The following ATP8A2 variants were observed in gnomAD, a reference collection of about 807,000 sequenced individuals.
ATP8A2 encodes ATPase phospholipid transporting 8A2.
In ATP8A2, 100 loss-of-function variants were observed where a neutral mutation model predicts 165.6. The ratio of observed to expected loss-of-function variants is 0.60; its 90% confidence interval spans 0.51 to 0.71. The LOEUF (loss-of-function observed/expected upper bound fraction) is 0.71. ATP8A2 is among the 30% of genes least tolerant of loss of function. ATP8A2 has a pLI of 0.00. For synonymous variants in ATP8A2, 543 were observed against 548.8 expected, an observed-to-expected ratio of 0.99 and a Z score of 0.15; for missense variants, 1,227 against 1,479.5, an observed-to-expected ratio of 0.83 and a Z score of 2.80.
intron 1 of ATP8A2, among the ~76,000 whole-genome samples, chr13:25,423,199 A>C (rs568057346): frequency 2.0e-5 from 3 of 152,168 alleles, no homozygotes; most frequent in Non-Finnish European, 4.4e-5. Context: ...TTTTACCCAC[A>C]CGTAGCCTTC....
chr13:25,425,668 G>A (rs1433208693), intron 1 of ATP8A2, among the ~76,000 whole-genome samples: 1 of 151,746 alleles, frequency 6.6e-6, no homozygotes, highest in Non-Finnish European at 1.5e-5. Context: ...TCTGCCTCCT[G>A]GGTTCACACC....
At chr13:25,715,764 T>C (rs1286550938) in intron 25 of ATP8A2, among the ~76,000 whole-genome samples, 1 of 152,256 alleles carries the variant, frequency 6.6e-6, no homozygotes, top group African/African-American at 2.4e-5. Context: ...CTATAAACAT[T>C]CATCTACAAA....
intron 33 of ATP8A2, among the ~76,000 whole-genome samples, chr13:25,877,295 G>C (rs553719618): frequency 6.6e-6 from 1 of 152,162 alleles, no homozygotes; most frequent in East Asian, 1.9e-4. Flanking sequence ...CTAGAGTTAG[G>C]AGTTGTCCAG....
At chr13:25,543,474 A>AACATCT in intron 10 of ATP8A2, 72 bp downstream of exon 10, 1 of 1,019,478 alleles carries the variant, frequency 9.8e-7, no homozygotes, top group Non-Finnish European at 1.5e-6. Context: ...TGGAAAATGC[A>AACATCT]GATGTTGCAT....
intron 33 of ATP8A2, among the ~76,000 whole-genome samples, chr13:25,936,278 C>T (rs2139087951): frequency 6.6e-6 from 1 of 152,326 alleles, no homozygotes; most frequent in African/African-American, 2.4e-5. Context: ...GACGGCCAGT[C>T]CTTGCTGATT....
chr13:25,379,181 T>C (rs180794800), intron 1 of ATP8A2, among the ~76,000 whole-genome samples: 311 of 152,342 alleles, frequency 2.0e-3, no homozygotes, highest in Non-Finnish European at 3.6e-3. Flanking sequence ...GCAATGTACA[T>C]TTCACACATT....
At chr13:25,811,407 A>G (rs568150887) in intron 27 of ATP8A2, among the ~76,000 whole-genome samples, 7 of 152,348 alleles carry the variant, frequency 4.6e-5, no homozygotes, top group Admixed American at 1.3e-4. Context: ...ACTTTATTTA[A>G]AAGTTATAGA....
intron 24 of ATP8A2, among the ~76,000 whole-genome samples, chr13:25,695,879 C>T (rs2042824392): frequency 6.6e-6 from 1 of 152,188 alleles, no homozygotes. Context: ...TTGACCTCCT[C>T]CCATGAATCA....
chr13:26,017,397 T>TC (rs1413164097), intron 36 of ATP8A2, among the ~76,000 whole-genome samples: 1 of 152,222 alleles, frequency 6.6e-6, no homozygotes, highest in Admixed American at 6.5e-5. Flanking sequence ...GAAGCAGTGT[T>TC]ATTTGCTAGA....
rs2042550551 is a variant in ATP8A2 at position 25,684,087 on chromosome 13, A to G, written c.2212-15086A>G. Among the ~76,000 whole-genome samples the G allele has an allele frequency of 5.3e-5, 8 of 152,244 alleles. No homozygotes were observed. The South Asian group carries it at 1.4e-3, about 28-fold the overall frequency. ...TGAGAGGAAACAAAATTTCTAACGA[A>G]TAAGATATAATAAAAAGGCTTCCGC... On this transcript the variant is annotated intron_variant, in intron 24 of 36. Coordinates refer to ENST00000381655, the MANE Select transcript of ATP8A2 (RefSeq NM_016529.6).
At chr13:25,647,118 T>C (rs2041694400) in intron 24 of ATP8A2, among the ~76,000 whole-genome samples, 2 of 152,378 alleles carry the variant, frequency 1.3e-5, no homozygotes, top group African/African-American at 2.4e-5. Context: ...TTTTGTCTTT[T>C]AACCCTTGTA....
intron 2 of ATP8A2, among the ~76,000 whole-genome samples, chr13:25,514,648 G>T (rs61948594): frequency 2.0e-5 from 3 of 152,122 alleles, no homozygotes; most frequent in Non-Finnish European, 4.4e-5. Flanking sequence ...CTTTTGCTTC[G>T]AACTCTTTAT....
At chr13:25,531,000 C>T (rs1045117377) in intron 4 of ATP8A2, among the ~76,000 whole-genome samples, 1 of 151,894 alleles carries the variant, frequency 6.6e-6, no homozygotes, top group Admixed American at 6.6e-5. Flanking sequence ...TTGTCTCGCT[C>T]TGCCTGAGGC....
intron 25 of ATP8A2, among the ~76,000 whole-genome samples, chr13:25,717,067 C>T (rs926644959): frequency 6.6e-6 from 1 of 152,160 alleles, no homozygotes; most frequent in Non-Finnish European, 1.5e-5. Flanking sequence ...CTATACATGC[C>T]ACTATCACCA....
chr13:25,555,181 T>C, intron 13 of ATP8A2, 113 bp downstream of exon 13: 1 of 729,420 alleles, frequency 1.4e-6, no homozygotes, highest in African/African-American at 1.7e-5. Context: ...TGAACATGGC[T>C]AGAACATCTG....
intron 2 of ATP8A2, among the ~76,000 whole-genome samples, chr13:25,519,859 G>A (rs955906119): frequency 2.0e-5 from 3 of 152,140 alleles, no homozygotes; most frequent in African/African-American, 4.8e-5. Context: ...CCCTGGAGAT[G>A]TTTTTCCCCT....
intron 24 of ATP8A2, among the ~76,000 whole-genome samples, chr13:25,647,187 C>A (rs78527618): frequency 6.6e-6 from 1 of 152,180 alleles, no homozygotes; most frequent in Non-Finnish European, 1.5e-5. Context: ...CTGAATATAG[C>A]TCTGTATTAC....
At chr13:25,828,470 T>C (rs1951375438) in intron 28 of ATP8A2, among the ~76,000 whole-genome samples, 1 of 152,240 alleles carries the variant, frequency 6.6e-6, no homozygotes, top group East Asian at 1.9e-4. Context: ...CCTTACTACA[T>C]GCCTGTGCAA....
At chr13:25,612,573 A>G (rs113123818) in intron 24 of ATP8A2, among the ~76,000 whole-genome samples, 2,684 of 152,172 alleles carry the variant, frequency 0.018, 89 homozygotes, top group African/African-American at 0.06. Context: ...TAGCTTGGAG[A>G]ATGTTCCAAG....
Sources: gnomAD v4.1 joint callset for allele counts (sites outside exome capture counted in the v4.1 genomes callset) on GRCh38, gnomAD v4.1.1 for gene constraint, MANE v1.5 for transcripts, NCBI Gene and HGNC (gene_info 2026-07-23, HGNC 2026-07-21) for gene names.